Variants in DIP2C observed in about 807,000 individuals in gnomAD.
The protein encoded by DIP2C is disco-interacting protein 2 homolog C.
Under a neutral mutation model 192.4 loss-of-function variants are expected in DIP2C, and 33 were observed. That is an observed-to-expected ratio of 0.17 (90% CI 0.13 to 0.23). The LOEUF (loss-of-function observed/expected upper bound fraction) is 0.23. Ranked by LOEUF, DIP2C falls within the 10% of genes least tolerant of loss-of-function variation. The probability of loss-of-function intolerance (pLI) is 1.00; values close to 1 mark genes in which losing one functional copy is unlikely to be tolerated. For missense variants in DIP2C, 1,537 were observed against 2,110.1 expected (o/e 0.73, Z 5.32); for synonymous variants, 979 against 864.1 (o/e 1.13, Z -2.33).
chr10:420,851 TGCAGCCTCC>T (rs1436531231), intron 5 of DIP2C, among the ~76,000 whole-genome samples: 2 of 152,174 alleles, frequency 1.3e-5, no homozygotes, highest in African/African-American at 2.4e-5. Flanking sequence ...AAGCAGCCTC[TGCAGCCTCC>T]ACTTCTGTCC....
chr10:333,686 T>A (rs1036637267), intron 29 of DIP2C, among the ~76,000 whole-genome samples: 5 of 152,230 alleles, frequency 3.3e-5, no homozygotes, highest in Admixed American at 6.5e-5. Context: ...TTAATTAAGA[T>A]CATGCCAAAC....
chr10:662,371 T>C (rs1397983008), intron 1 of DIP2C, among the ~76,000 whole-genome samples: 3 of 152,222 alleles, frequency 2.0e-5, no homozygotes, highest in Non-Finnish European at 4.4e-5. Flanking sequence ...TACGCAGGTG[T>C]ATGGATGCTG....
At chr10:455,141 G>A (rs998546292) in intron 3 of DIP2C, among the ~76,000 whole-genome samples, 6 of 152,232 alleles carry the variant, frequency 3.9e-5, no homozygotes, top group Non-Finnish European at 8.8e-5. Context: ...GAAGACGTAG[G>A]TTCGGGAGCC....
intron 32 of DIP2C, among the ~76,000 whole-genome samples, chr10:291,867 G>A (rs541061178): frequency 2.0e-4 from 30 of 152,374 alleles, no homozygotes; most frequent in African/African-American, 7.2e-4. Context: ...CGAGAGGTGG[G>A]CTGCTGGAGG....
chr10:548,546 C>T (rs908648737), intron 1 of DIP2C, among the ~76,000 whole-genome samples: 44 of 133,818 alleles, frequency 3.3e-4, no homozygotes, highest in African/African-American at 1.1e-3. Context: ...AGGCAGGCAG[C>T]GAGGACAGAG....
At chr10:514,830 C>T (rs890025770) in intron 1 of DIP2C, among the ~76,000 whole-genome samples, 4 of 152,200 alleles carry the variant, frequency 2.6e-5, no homozygotes, top group South Asian at 2.1e-4. Flanking sequence ...ATCAGAATGT[C>T]GGATTCCTGT....
chr10:366,330 A>T lies in DIP2C; in HGVS notation c.2213T>A (p.Val738Asp), dbSNP rs1263483294. ...GCCATAGTAGGACGTGCCCGTCGCA[A>T]CTGCACACACACACAGCTCCCCGAT... ...DEIGELCVCAVATGTSYYGLS... is the reference protein window; with the variant it reads ...DEIGELCVCADATGTSYYGLS... The change falls in exon 19 of 37, where the codon GTT becomes GAT. Residue 738 changes from valine to aspartate, a missense_variant. By Grantham distance (152) the Val-to-Asp change is radical. Coordinates refer to ENST00000280886, the MANE Select transcript of DIP2C (RefSeq NM_014974.3). 5.0e-6 allele frequency: 8 copies of T among 1,613,998 alleles called. No individual in the cohort carries two copies. Among genetic ancestry groups the T allele is most frequent in the Non-Finnish European group, 5.9e-6 (7 of 1,180,018 alleles).
In DIP2C at chr10:276,459, T is replaced by C. The variant is rs1954523959; in HGVS notation, c.*866A>G. ...TGTTCATTAGTGAATTTATATTTCA[T>C]ATATATATATTTGTTGTGATACTAT... On this transcript the variant is annotated 3_prime_UTR_variant, in exon 37 of 37. Transcript: ENST00000280886. 6.6e-6 allele frequency: 1 copy of C among 152,616 alleles called. No individual in the cohort carries two copies. The highest frequency in any genetic ancestry group is 2.4e-5 in the African/African-American group (1 of 41,448). 9.5% of individuals were successfully genotyped at this position (152,616 alleles called of 1,614,324 possible).
chr10:471,530 T>C (rs1045646972), intron 3 of DIP2C, among the ~76,000 whole-genome samples: 2 of 152,128 alleles, frequency 1.3e-5, no homozygotes, highest in African/African-American at 2.4e-5. Flanking sequence ...CTGCTTATCA[T>C]GAAAGCTCCA....
intron 1 of DIP2C, among the ~76,000 whole-genome samples, chr10:512,467 C>A (rs1158116593): frequency 2.0e-5 from 3 of 152,116 alleles, no homozygotes; most frequent in Non-Finnish European, 4.4e-5. Context: ...CCCAGCTACT[C>A]AGGGTGCTGA....
intron 4 of DIP2C, among the ~76,000 whole-genome samples, chr10:426,892 T>A (rs990629115): frequency 5.3e-5 from 8 of 151,996 alleles, no homozygotes; most frequent in Admixed American, 2.0e-4. Flanking sequence ...ACTGCACAGA[T>A]AAAAATTAAC....
At chr10:457,754 CTT>C (rs1196027621) in intron 3 of DIP2C, among the ~76,000 whole-genome samples, 4 of 116,060 alleles carry the variant, frequency 3.4e-5, no homozygotes, top group East Asian at 2.1e-4. Context: ...TGGGCTCTGA[CTT>C]TGTCACCCAG....
Position 283,437 on chromosome 10 carries a change from G to A in DIP2C, c.4129C>T (p.His1377Tyr), listed in dbSNP as rs1347840563. The A allele has an allele frequency of 1.9e-6, 3 of 1,614,068 alleles. No individual in the cohort carries two copies. The highest frequency in any genetic ancestry group is 1.3e-5 in the African/African-American group (1 of 75,046). Reference protein sequence around the residue: ...GDSHLGEIWVHSAHNASGYFT... With the variant: ...GDSHLGEIWVYSAHNASGYFT... ...TAACCGCTGGCATTGTGGGCACTGT[G>A]AACCCAAATCTGCAAACGGAGGGAA... The change falls in exon 35 of 37, where the codon CAC (histidine) becomes TAC (tyrosine). Residue 1377 changes from histidine (H) to tyrosine (Y), a missense_variant. Coordinates refer to ENST00000280886, the MANE Select transcript of DIP2C (RefSeq NM_014974.3).
At chr10:329,735 G>A in intron 29 of DIP2C, 134 bp from the exon 30 acceptor site, 1 of 1,176,038 alleles carries the variant, frequency 8.5e-7, no homozygotes, top group Non-Finnish European at 1.2e-6. Context: ...TCTGTAGAAG[G>A]GCACAGTAAA....
At chr10:534,714 G>C (rs1231330245) in intron 1 of DIP2C, among the ~76,000 whole-genome samples, 1 of 148,914 alleles carries the variant, frequency 6.7e-6, no homozygotes, top group African/African-American at 2.5e-5. Context: ...CTGTCGCCCA[G>C]GCCGGACTGC....
intron 1 of DIP2C, among the ~76,000 whole-genome samples, chr10:580,550 T>C (rs779116781): frequency 5.3e-5 from 8 of 152,128 alleles, no homozygotes; most frequent in Non-Finnish European, 8.8e-5. Flanking sequence ...TGCATGCCCA[T>C]AGCATGCACA....
At chr10:675,181 T>C (rs1476061672) in intron 1 of DIP2C, among the ~76,000 whole-genome samples, 1 of 152,106 alleles carries the variant, frequency 6.6e-6, no homozygotes, top group African/African-American at 2.4e-5. Flanking sequence ...CAATATGCCC[T>C]TGAATAGCCA....
intron 32 of DIP2C, among the ~76,000 whole-genome samples, chr10:308,566 T>C (rs1564534543): frequency 6.6e-6 from 1 of 152,252 alleles, no homozygotes; most frequent in Non-Finnish European, 1.5e-5. Flanking sequence ...GAAGTGATTA[T>C]TTAGAAAACT....
chr10:457,360 C>A (rs957570370), intron 3 of DIP2C, among the ~76,000 whole-genome samples: 3 of 152,080 alleles, frequency 2.0e-5, no homozygotes, highest in Admixed American at 6.5e-5. Context: ...TCTATAAATT[C>A]AAGTACCATT....
Sources: allele counts gnomAD v4.1 joint callset (sites outside exome capture counted in the v4.1 genomes callset), GRCh38; gene constraint gnomAD v4.1.1; transcripts MANE v1.5; gene names NCBI Gene and HGNC (gene_info 2026-07-23, HGNC 2026-07-21).